SPOCK3: variants seen among roughly 807,000 people sequenced by gnomAD.
SPOCK3 encodes testican-3.
A neutral mutation model predicts 56.6 loss-of-function variants in SPOCK3; 30 were observed. The observed-to-expected ratio is 0.53, with a 90% CI of 0.40 to 0.72. SPOCK3 has a LOEUF of 0.72. Ranked by LOEUF, SPOCK3 falls within the 30% of genes least tolerant of loss-of-function variation. The probability of loss-of-function intolerance (pLI) is 0.00; values close to 1 mark genes in which losing one functional copy is unlikely to be tolerated. For missense variants in SPOCK3, 527 were observed against 530.0 expected, an observed-to-expected ratio of 0.99 and a Z score of 0.06; for synonymous variants, 196 against 183.3, an observed-to-expected ratio of 1.07 and a Z score of -0.56.
chr4:166,840,023 C>T (rs965264765), intron 6 of SPOCK3, among the ~76,000 whole-genome samples: 1 of 152,240 alleles, frequency 6.6e-6, no homozygotes, highest in Non-Finnish European at 1.5e-5. Context: ...CTAACTATCA[C>T]AAGAACTGAG....
At chr4:166,899,140 T>C (rs1284122557) in intron 5 of SPOCK3, among the ~76,000 whole-genome samples, 8 of 151,918 alleles carry the variant, frequency 5.3e-5, no homozygotes, top group Non-Finnish European at 1.2e-4. Context: ...ACGGACTGAA[T>C]TATATCATCA....
intron 3 of SPOCK3, among the ~76,000 whole-genome samples, chr4:167,050,819 C>T (rs1331195550): frequency 1.3e-5 from 2 of 152,014 alleles, no homozygotes; most frequent in Admixed American, 6.6e-5. Flanking sequence ...TGTATGATTC[C>T]ACTTATAGGA....
intron 3 of SPOCK3, among the ~76,000 whole-genome samples, chr4:167,037,538 C>G (rs576567049): frequency 6.6e-6 from 1 of 150,772 alleles, no homozygotes; most frequent in East Asian, 1.9e-4. Flanking sequence ...TGTCCACACA[C>G]TAAGGATTTT....
At chr4:166,981,463 C>T (rs575210694) in intron 4 of SPOCK3, among the ~76,000 whole-genome samples, 15 of 152,100 alleles carry the variant, frequency 9.9e-5, no homozygotes, top group South Asian at 2.1e-4. Context: ...CATGTCATCC[C>T]GACAAGTTGA....
chr4:166,753,987 T>C (rs555624738), intron 8 of SPOCK3: 2 of 578,142 alleles, frequency 3.5e-6, no homozygotes, highest in South Asian at 1.6e-4. Context: ...CTTTTTCTGC[T>C]AGTGAATTTT....
At chr4:167,188,256 CT>C (rs1268470165) in intron 2 of SPOCK3, among the ~76,000 whole-genome samples, 1 of 145,850 alleles carries the variant, frequency 6.9e-6, no homozygotes, top group Non-Finnish European at 1.5e-5. Context: ...AGAGAGGTCC[CT>C]TTTGGGGAGT....
chr4:167,179,314 C>T (rs1429677569), intron 2 of SPOCK3, among the ~76,000 whole-genome samples: 1 of 152,166 alleles, frequency 6.6e-6, no homozygotes, highest in African/African-American at 2.4e-5. Flanking sequence ...ATGAGCCAGA[C>T]TCTCTGCTGC....
At chr4:166,924,626 C>A (rs1215329678) in intron 4 of SPOCK3, among the ~76,000 whole-genome samples, 1 of 152,208 alleles carries the variant, frequency 6.6e-6, no homozygotes, top group Non-Finnish European at 1.5e-5. Flanking sequence ...CCCTCACTAA[C>A]AATGCCTGAA....
At position 166,875,843 on chromosome 4, in the gene SPOCK3, C is replaced by T. The variant is rs1297287182; in HGVS notation, c.589+13287G>A. On this transcript the variant is annotated intron_variant, in intron 6 of 10. Coordinates refer to ENST00000357545, the MANE Select transcript of SPOCK3 (RefSeq NM_001040159.2). Reference sequence around the variant, plus strand: ...GCAGCAGAAAGCTGTGATGTTACCACATTTTCAGAAATTTGGTCAGTAATT... The same window carrying T: ...GCAGCAGAAAGCTGTGATGTTACCATATTTTCAGAAATTTGGTCAGTAATT... 2.0e-5 allele frequency among the ~76,000 whole-genome samples: 3 copies of T among 152,164 alleles called. No homozygotes were observed. The East Asian group carries it at 5.8e-4, about 29-fold the overall frequency.
chr4:167,166,061 T>C (rs1561284488), intron 2 of SPOCK3, among the ~76,000 whole-genome samples: 1 of 152,044 alleles, frequency 6.6e-6, no homozygotes, highest in Non-Finnish European at 1.5e-5. Context: ...TAGAGGATTA[T>C]AGACAACAAT....
chr4:166,982,797 T>A (rs2150095912), intron 4 of SPOCK3, among the ~76,000 whole-genome samples: 1 of 152,272 alleles, frequency 6.6e-6, no homozygotes, highest in South Asian at 2.1e-4. Flanking sequence ...GCCATATTTA[T>A]TTTTAGACCA....
chr4:166,854,199 T>G (rs1475754714), intron 6 of SPOCK3, among the ~76,000 whole-genome samples: 3 of 152,172 alleles, frequency 2.0e-5, no homozygotes, highest in African/African-American at 7.2e-5. Flanking sequence ...CCTTAGAATG[T>G]TAGAATTTCA....
chr4:166,738,542 A>G (rs1164889027), intron 9 of SPOCK3, among the ~76,000 whole-genome samples: 1 of 150,692 alleles, frequency 6.6e-6, no homozygotes, highest in Non-Finnish European at 1.5e-5. Flanking sequence ...ATATGTATAC[A>G]TGTGCCATGC....
At chr4:166,752,558 A>G (rs1271066533) in intron 8 of SPOCK3, among the ~76,000 whole-genome samples, 1 of 40,400 alleles carries the variant, frequency 2.5e-5, no homozygotes, top group Admixed American at 2.7e-4. Flanking sequence ...GTGTGTATAT[A>G]TATATATATA....
chr4:166,934,834 T>G (rs1740206745), intron 4 of SPOCK3, among the ~76,000 whole-genome samples: 1 of 151,622 alleles, frequency 6.6e-6, no homozygotes, highest in Admixed American at 6.7e-5. Context: ...TAATAAGTAC[T>G]TTGAAGACAA....
At chr4:167,112,798 AT>A (rs1357870013) in intron 2 of SPOCK3, among the ~76,000 whole-genome samples, 1 of 151,516 alleles carries the variant, frequency 6.6e-6, no homozygotes, top group Non-Finnish European at 1.5e-5. Flanking sequence ...CCCATCAAAA[AT>A]TTCCCTAAAA....
intron 2 of SPOCK3, among the ~76,000 whole-genome samples, chr4:167,077,416 C>T (rs1003940736): frequency 6.6e-6 from 1 of 151,762 alleles, no homozygotes; most frequent in Non-Finnish European, 1.5e-5. Flanking sequence ...AGGAAATGCA[C>T]AAGATGTTCT....
intron 6 of SPOCK3, among the ~76,000 whole-genome samples, chr4:166,861,645 T>C (rs988203538): frequency 3.3e-5 from 5 of 152,106 alleles, no homozygotes; most frequent in African/African-American, 1.2e-4. Flanking sequence ...AGCCAGGTGC[T>C]CCAATAGGCA....
intron 2 of SPOCK3, among the ~76,000 whole-genome samples, chr4:167,093,906 A>G (rs967629043): frequency 6.6e-6 from 1 of 152,178 alleles, no homozygotes; most frequent in Non-Finnish European, 1.5e-5. Context: ...TGACTCTTCT[A>G]TTAAGCCCAT....
Sources: allele counts gnomAD v4.1 joint callset (sites outside exome capture counted in the v4.1 genomes callset), GRCh38; gene constraint gnomAD v4.1.1; transcripts MANE v1.5; gene names NCBI Gene and HGNC (gene_info 2026-07-23, HGNC 2026-07-21).